EIF4B: variants seen among roughly 807,000 people sequenced by gnomAD.
The protein encoded by EIF4B is eukaryotic translation initiation factor 4B.
In EIF4B, 8 loss-of-function variants were observed where a neutral mutation model predicts 79.3. That is an observed-to-expected ratio of 0.10 (90% confidence interval 0.06 to 0.18). The LOEUF (loss-of-function observed/expected upper bound fraction) is 0.18. Among genes scored for constraint, EIF4B ranks in the 10% least tolerant of loss-of-function variants. EIF4B has a pLI of 1.00. For synonymous variants in EIF4B, 238 were observed against 274.7 expected, an observed-to-expected ratio of 0.87 and a Z score of 1.32; for missense variants, 515 against 792.4, an observed-to-expected ratio of 0.65 and a Z score of 4.20.
rs368725846 is a variant in EIF4B, at chr12:53,017,348, CAG to C, written c.151+741_151+742del. ...GTTCCAGGTGTCATTAGTATAAAATCAGAGTGTCCTTGGGTAAACGAAAATGG... is the reference window on the plus strand; with the variant it reads ...GTTCCAGGTGTCATTAGTATAAAATCAGTGTCCTTGGGTAAACGAAAATGG... On this transcript the variant is annotated intron_variant, in intron 2 of 14. Coordinates refer to ENST00000262056, the MANE Select transcript of EIF4B (RefSeq NM_001417.7). Among the ~76,000 whole-genome samples, 120 of 151,910 alleles carry C rather than the reference CAG, an allele frequency of 7.9e-4. 1 individual carries two copies. In the East Asian group the frequency reaches 0.017, roughly 21 times the overall value.
Position 53,022,487 on chromosome 12 carries a change from C to G in EIF4B, c.533-6C>G. 1 of 1,612,576 alleles carries G rather than the reference C, an allele frequency of 6.2e-7. No homozygotes were observed. The highest frequency in any genetic ancestry group is 8.5e-7 in the Non-Finnish European group (1 of 1,179,640). Reference sequence around the variant, plus strand: ...ACTTACGGTTTTTGTTTTAATGTATCTGTAGACAGGGATGATCGTTCTTTT... The same window carrying G: ...ACTTACGGTTTTTGTTTTAATGTATGTGTAGACAGGGATGATCGTTCTTTT... On this transcript the variant is annotated splice_region_variant and splice_polypyrimidine_tract_variant and intron_variant, in intron 5 of 14. Transcript: ENST00000262056.
At chr12:53,028,772 G>A (rs1209192715) in intron 8 of EIF4B, among the ~76,000 whole-genome samples, 2 of 152,028 alleles carry the variant, frequency 1.3e-5, no homozygotes, top group Non-Finnish European at 2.9e-5. Flanking sequence ...CCAAGTAAGG[G>A]AAATGAAATT....
intron 8 of EIF4B, among the ~76,000 whole-genome samples, chr12:53,033,334 C>CTTTTT (rs11455422): frequency 1.4e-5 from 2 of 142,330 alleles, no homozygotes; most frequent in African/African-American, 2.6e-5. Flanking sequence ...TACCTATTTT[C>CTTTTT]TTTTTTTTTT....
chr12:53,028,182 G>C lies in EIF4B; in HGVS notation c.973G>C (p.Asp325His). 6.3e-7 allele frequency: 1 copy of C among 1,586,002 alleles called. No homozygotes were observed. The highest frequency in any genetic ancestry group is 8.5e-7 in the Non-Finnish European group (1 of 1,169,738). Residue 325 changes from aspartate to histidine, a missense_variant, in exon 8 of 15, where the codon GAT becomes CAT. Physicochemically the swap from Asp to His is moderately conservative, Grantham distance 81. Around this residue, in one of 6 missense-constraint regions of EIF4B, gnomAD observed 187 missense variants for 256.5 expected, o/e 0.73. Transcript: ENST00000262056. ...DYSRDDYRRD[D>H]RGPPQRPKLN... ...CTCTCGGGATGATTATAGGCGTGATGATAGAGGTAATAGTTTTCTTTTTAC... is the reference window on the plus strand; with the variant it reads ...CTCTCGGGATGATTATAGGCGTGATCATAGAGGTAATAGTTTTCTTTTTAC...
intron 3 of EIF4B, among the ~76,000 whole-genome samples, chr12:53,019,675 C>CTT (rs34225588): frequency 0.55 from 72,123 of 132,214 alleles, 24,657 homozygotes; most frequent in Non-Finnish European, 0.77. Context: ...CTGAATTAAT[C>CTT]TTTTTTTTTT....
chr12:53,016,813 A>G (rs1416309994), intron 2 of EIF4B, among the ~76,000 whole-genome samples: 2 of 152,242 alleles, frequency 1.3e-5, no homozygotes, highest in African/African-American at 4.8e-5. Flanking sequence ...TGGTCATTTA[A>G]GAGAGCTTTG....
chr12:53,033,330 TTTTC>T (rs1943481375), intron 8 of EIF4B, among the ~76,000 whole-genome samples: 1 of 46,300 alleles, frequency 2.2e-5, no homozygotes, highest in African/African-American at 3.6e-5. Flanking sequence ...GAGCTACCTA[TTTTC>T]TTTTTTTTTT....
intron 2 of EIF4B, 125 bp from the exon 3 acceptor site, chr12:53,018,673 C>T (rs1393475562): frequency 1.5e-5 from 16 of 1,041,952 alleles, no homozygotes; most frequent in East Asian, 5.0e-5. Context: ...TGAACCCCCA[C>T]TTTTTTTGGT....
intron 2 of EIF4B, among the ~76,000 whole-genome samples, chr12:53,017,815 A>G (rs1254844410): frequency 1.3e-5 from 2 of 151,116 alleles, no homozygotes; most frequent in African/African-American, 4.9e-5. Context: ...CTGGTCTTGA[A>G]CTCCTGACCT....
At chr12:53,019,370 G>T (rs1240566690) in intron 3 of EIF4B, among the ~76,000 whole-genome samples, 2 of 149,146 alleles carry the variant, frequency 1.3e-5, no homozygotes, top group Admixed American at 6.7e-5. Flanking sequence ...TTGCACTCCA[G>T]CCTGGGCAAC....
intron 1 of EIF4B, among the ~76,000 whole-genome samples, chr12:53,008,974 G>A (rs912606411): frequency 1.3e-5 from 2 of 152,154 alleles, no homozygotes; most frequent in African/African-American, 4.8e-5. Flanking sequence ...GGGGGAGATT[G>A]CAGTGAACCG....
At chr12:53,015,625 T>C (rs1943135944) in intron 1 of EIF4B, among the ~76,000 whole-genome samples, 1 of 151,006 alleles carries the variant, frequency 6.6e-6, no homozygotes, top group African/African-American at 2.4e-5. Context: ...AGGCTTCAGA[T>C]AGCCGTGGCC....
chr12:53,011,744 G>A (rs975300140), intron 1 of EIF4B, among the ~76,000 whole-genome samples: 3 of 152,154 alleles, frequency 2.0e-5, no homozygotes, highest in African/African-American at 7.2e-5. Flanking sequence ...TCTGGACTTA[G>A]CAATATTTCC....
Position 53,019,993 on chromosome 12 carries a change from T to C in EIF4B, c.444T>C (p.Asp148=). Residue 148 remains aspartate, a synonymous_variant, in exon 4 of 15, where the codon GAT becomes GAC. Coordinates refer to ENST00000262056, the MANE Select transcript of EIF4B (RefSeq NM_001417.7). ...GFGYAEFEDL[D]SLLSALSLNE... is the part of the protein sequence containing the mutation. ...GTTATGCTGAATTTGAGGACCTGGATTCCCTGCTCAGTGCCCTGAGTCTCA... is the reference window on the plus strand; with the variant it reads ...GTTATGCTGAATTTGAGGACCTGGACTCCCTGCTCAGTGCCCTGAGTCTCA... The C allele has an allele frequency of 1.2e-6, 2 of 1,612,014 alleles. No individual in the cohort carries two copies. The highest frequency in any genetic ancestry group is 1.7e-6 in the Non-Finnish European group (2 of 1,179,472).
intron 1 of EIF4B, among the ~76,000 whole-genome samples, chr12:53,007,280 C>T (rs1035923989): frequency 6.6e-6 from 1 of 152,044 alleles, no homozygotes; most frequent in African/African-American, 2.4e-5. Flanking sequence ...CCGGTGTGCA[C>T]CTAGATTTCC....
chr12:53,022,151 G>A (rs1943255540), intron 5 of EIF4B: 2 of 662,084 alleles, frequency 3.0e-6, no homozygotes, highest in African/African-American at 3.6e-5. Flanking sequence ...TGTCAAGATT[G>A]AGAAGACTGA....
chr12:53,019,450 CTTTTTTTTTTT>C (rs71095966), intron 3 of EIF4B, among the ~76,000 whole-genome samples: 4 of 66,002 alleles, frequency 6.1e-5, no homozygotes, highest in Non-Finnish European at 1.3e-4. Context: ...TTTTTTTTTT[CTTTTTTTTTTT>C]TTTTTTTTTT....
At chr12:53,033,239 G>A (rs1033993124) in intron 8 of EIF4B, among the ~76,000 whole-genome samples, 4 of 151,282 alleles carry the variant, frequency 2.6e-5, no homozygotes, top group Admixed American at 6.6e-5. Flanking sequence ...TGTTGGTCTC[G>A]AACTCCCGAC....
chr12:53,034,569 A>T (rs1474209739), intron 9 of EIF4B, 43 bp from the exon 10 acceptor site: 13 of 1,608,752 alleles, frequency 8.1e-6, no homozygotes, highest in Admixed American at 1.7e-5. Context: ...GGTGGCCTTC[A>T]CTGAGCCAGG....
Sources: allele counts gnomAD v4.1 joint callset (sites outside exome capture counted in the v4.1 genomes callset), GRCh38; gene constraint gnomAD v4.1.1; regional missense constraint gnomAD v4.1.1; transcripts MANE v1.5; gene names NCBI Gene and HGNC (gene_info 2026-07-23, HGNC 2026-07-21).